The following SEMA3A variants were observed in gnomAD, a reference collection of about 807,000 sequenced individuals.
The protein encoded by SEMA3A is semaphorin 3A, also known as semaphorin-3A.
A neutral mutation model predicts 97.9 loss-of-function variants in SEMA3A; 29 were observed. That is an observed-to-expected ratio of 0.30 (90% CI 0.22 to 0.40). SEMA3A has a LOEUF of 0.40. Among genes scored for constraint, SEMA3A ranks in the 10% least tolerant of loss-of-function variants. The probability of loss-of-function intolerance (pLI) is 1.00; values close to 1 mark genes in which losing one functional copy is unlikely to be tolerated. For missense variants in SEMA3A, 763 were observed against 951.3 expected (o/e 0.80, Z 2.60); for synonymous variants, 321 against 323.7 (o/e 0.99, Z 0.09).
At chr7:84,193,528 T>C (rs1798115870) in intron 1 of SEMA3A, among the ~76,000 whole-genome samples, 1 of 152,084 alleles carries the variant, frequency 6.6e-6, no homozygotes, top group Admixed American at 6.6e-5. Flanking sequence ...TTAAAACAGT[T>C]TAATCTTCAA....
Position 84,322,391 on chromosome 7 carries a change from G to A in SEMA3A, c.-168-15099C>T, listed in dbSNP as rs117812472. ...TCATTCATATTTTAATTATGGATAT[G>A]GCTTGGCTATGTCCCCAACCAAATC... On this transcript the variant is annotated intron_variant, in intron 2 of 3. Coordinates refer to the SEMA3A transcript ENST00000424555. Among the ~76,000 whole-genome samples, 1,074 of 152,112 alleles carry A rather than the reference G, an allele frequency of 7.1e-3. 8 individuals are homozygous for A. The highest frequency in any genetic ancestry group is 0.028 in the East Asian group (145 of 5,156).
intron 1 of SEMA3A, among the ~76,000 whole-genome samples, chr7:84,477,029 A>C (rs1488566158): frequency 2.7e-5 from 4 of 150,538 alleles, no homozygotes; most frequent in Non-Finnish European, 5.9e-5. Flanking sequence ...TAGAGTAAAA[A>C]GCAGTATGGT....
At chr7:84,402,560 C>T (rs1803935583) in intron 1 of SEMA3A, among the ~76,000 whole-genome samples, 1 of 152,118 alleles carries the variant, frequency 6.6e-6, no homozygotes, top group Admixed American at 6.6e-5. Context: ...TTTATTGCAG[C>T]ACTATTTATA....
At position 84,297,543 on chromosome 7, in the gene SEMA3A, A is replaced by C. The variant is rs117264543; in HGVS notation, c.-83+9664T>G. 9.2e-5 allele frequency among the ~76,000 whole-genome samples: 14 copies of C among 152,314 alleles called. No homozygotes were observed. In the East Asian group the frequency reaches 2.5e-3, roughly 27 times the overall value. On this transcript the variant is annotated intron_variant, in intron 3 of 3. Transcript: ENST00000424555. ...CAACTTTCATAGTATAGATGAAAAT[A>C]AATTGTTCCAGAATACCAATCAAAA...
At chr7:84,413,786 A>G (rs760560564) in intron 1 of SEMA3A, among the ~76,000 whole-genome samples, 11 of 152,184 alleles carry the variant, frequency 7.2e-5, no homozygotes, top group Non-Finnish European at 1.2e-4. Context: ...TCATTTTTAA[A>G]AAAGAAACAA....
intron 1 of SEMA3A, among the ~76,000 whole-genome samples, chr7:84,156,871 T>A (rs1248798156): frequency 6.6e-6 from 1 of 152,164 alleles, no homozygotes; most frequent in Non-Finnish European, 1.5e-5. Context: ...CCAGAGCTGG[T>A]TTTACAATGT....
chr7:84,060,260 A>G (rs1274856138), intron 5 of SEMA3A, among the ~76,000 whole-genome samples: 3 of 152,230 alleles, frequency 2.0e-5, no homozygotes, highest in African/African-American at 7.2e-5. Context: ...CATTTCCATT[A>G]AAAAGAATCA....
chr7:84,483,707 A>G (rs79688533), intron 1 of SEMA3A, among the ~76,000 whole-genome samples: 3,522 of 152,064 alleles, frequency 0.023, 146 homozygotes, highest in East Asian at 0.16. Flanking sequence ...GAAAGTTTTC[A>G]AAGACTTTGA....
upstream of SEMA3A, among the ~76,000 whole-genome samples, chr7:84,199,024 C>G (rs539655100): frequency 6.6e-6 from 1 of 152,176 alleles, no homozygotes; most frequent in African/African-American, 2.4e-5. Flanking sequence ...AAAATGTTCC[C>G]TCTCTATATT....
chr7:84,318,477 T>C (rs944716110), intron 2 of SEMA3A, among the ~76,000 whole-genome samples: 1 of 150,980 alleles, frequency 6.6e-6, no homozygotes, highest in African/African-American at 2.4e-5. Context: ...CGCCCGCCAC[T>C]ACGCCCGGCT....
rs375845464 is a variant in SEMA3A, at chr7:84,445,160, A to G, written c.-246+47300T>C. ...CATTTTCCATGAACATTCTGAAGTC[A>G]CATATATCTTCTCTGACCACACTGG... On this transcript the variant is annotated intron_variant, in intron 1 of 3. Transcript: ENST00000424555. Among the ~76,000 whole-genome samples, 105 of 152,214 alleles carry G rather than the reference A, an allele frequency of 6.9e-4. 1 individual carries two copies. Among genetic ancestry groups the G allele is most frequent in the African/African-American group, 2.3e-3 (97 of 41,548 alleles).
intron 6 of SEMA3A, among the ~76,000 whole-genome samples, chr7:84,023,926 A>G (rs928474541): frequency 2.7e-5 from 4 of 150,790 alleles, no homozygotes; most frequent in African/African-American, 4.9e-5. Flanking sequence ...GCAGGAGAAT[A>G]GCGTGAACCC....
chr7:84,207,723 A>T (rs902441228), intron 3 of SEMA3A, among the ~76,000 whole-genome samples: 2 of 152,218 alleles, frequency 1.3e-5, no homozygotes, highest in African/African-American at 2.4e-5. Flanking sequence ...TAAGAGGTCA[A>T]GTCATCTTCC....
intron 9 of SEMA3A, among the ~76,000 whole-genome samples, chr7:84,009,785 G>C (rs1790803749): frequency 6.6e-6 from 1 of 151,648 alleles, no homozygotes; most frequent in Admixed American, 6.6e-5. Context: ...AAGAGGAAGA[G>C]AGAGAAAGAG....
At chr7:84,153,061 T>A (rs1377629427) in intron 1 of SEMA3A, among the ~76,000 whole-genome samples, 1 of 152,194 alleles carries the variant, frequency 6.6e-6, no homozygotes, top group African/African-American at 2.4e-5. Flanking sequence ...TGAGTTTGTT[T>A]GATGATCTTA....
chr7:84,475,830 C>A (rs972426061), intron 1 of SEMA3A, among the ~76,000 whole-genome samples: 15 of 152,140 alleles, frequency 9.9e-5, no homozygotes, highest in South Asian at 2.1e-4. Flanking sequence ...TAGTCTCAAC[C>A]TTTGCAGTTC....
intron 3 of SEMA3A, among the ~76,000 whole-genome samples, chr7:84,246,312 A>G (rs1799476042): frequency 6.6e-6 from 1 of 152,258 alleles, no homozygotes; most frequent in South Asian, 2.1e-4. Flanking sequence ...CAGAAAATTA[A>G]AACAAGGACT....
chr7:84,375,085 T>C (rs1201215384), intron 1 of SEMA3A, among the ~76,000 whole-genome samples: 3 of 152,202 alleles, frequency 2.0e-5, no homozygotes, highest in Non-Finnish European at 4.4e-5. Flanking sequence ...AGTGGTGCCA[T>C]CTCAGCTCAC....
At chr7:84,199,589 G>A (rs116094466), upstream of SEMA3A, among the ~76,000 whole-genome samples, 3,663 of 151,244 alleles carry the variant, frequency 0.024, 171 homozygotes, top group African/African-American at 0.083. Flanking sequence ...TTCAAGGAAC[G>A]CTTCATTAGT....
Sources: gnomAD v4.1 joint callset for allele counts (sites outside exome capture counted in the v4.1 genomes callset) on GRCh38, gnomAD v4.1.1 for gene constraint, MANE v1.5 for transcripts, NCBI Gene and HGNC (gene_info 2026-07-23, HGNC 2026-07-21) for gene names.